KCNIP4: variants seen among roughly 807,000 people sequenced by gnomAD.
The protein encoded by KCNIP4 is Kv channel-interacting protein 4.
KCNIP4 carries 12 observed loss-of-function variants against 34.0 expected under a neutral mutation model. The ratio of observed to expected loss-of-function variants is 0.35; its 90% CI spans 0.23 to 0.57. The LOEUF (loss-of-function observed/expected upper bound fraction) is 0.57, where lower values mean the gene tolerates loss of function less well. Ranked by LOEUF, KCNIP4 falls within the 20% of genes least tolerant of loss-of-function variation. The pLI is 0.83. For missense variants in KCNIP4, 238 were observed against 311.7 expected (o/e 0.76, Z 1.78); for synonymous variants, 124 against 102.2 (o/e 1.21, Z -1.29).
At chr4:20,953,644 A>G (rs1733012957) in intron 1 of KCNIP4, among the ~76,000 whole-genome samples, 1 of 152,162 alleles carries the variant, frequency 6.6e-6, no homozygotes, top group African/African-American at 2.4e-5. Context: ...ATCGCACTCC[A>G]TCTTGGGTGA....
chr4:20,747,027 A>T (rs1166811304), intron 5 of KCNIP4, among the ~76,000 whole-genome samples: 1 of 152,212 alleles, frequency 6.6e-6, no homozygotes, highest in African/African-American at 2.4e-5. Flanking sequence ...AAACTTTATT[A>T]ATTTAGCCAT....
chr4:21,484,414 C>T (rs111405621), intron 1 of KCNIP4, among the ~76,000 whole-genome samples: 9 of 151,304 alleles, frequency 5.9e-5, no homozygotes, highest in East Asian at 1.9e-4. Context: ...GTGACAAGAG[C>T]GAAACTCCGT....
chr4:21,177,505 AT>A (rs1754499865), intron 1 of KCNIP4, among the ~76,000 whole-genome samples: 1 of 152,116 alleles, frequency 6.6e-6, no homozygotes. Flanking sequence ...GTAAGTAAAT[AT>A]TTAATAACTA....
chr4:20,757,983 T>A (rs1435535017), intron 4 of KCNIP4, among the ~76,000 whole-genome samples: 1 of 152,192 alleles, frequency 6.6e-6, no homozygotes, highest in Admixed American at 6.5e-5. Context: ...ATCACAGTTA[T>A]ACTTGAGTTT....
chr4:21,779,371 T>C (rs990136190), intron 1 of KCNIP4, among the ~76,000 whole-genome samples: 9 of 152,190 alleles, frequency 5.9e-5, no homozygotes, highest in African/African-American at 2.2e-4. Context: ...TTAAGAATAA[T>C]AGCATAGTGA....
Position 21,543,841 on chromosome 4 carries a change from T to C in KCNIP4, c.61+404730A>G, listed in dbSNP as rs184469583. Among the ~76,000 whole-genome samples, 612 of 152,256 alleles carry C rather than the reference T, an allele frequency of 4.0e-3. 5 individuals carry two copies. Among genetic ancestry groups the C allele is most frequent in the Non-Finnish European group, 5.5e-3 (372 of 68,014 alleles). Reference sequence around the variant, plus strand: ...TTTTCATTATAGATTACCTTCCATCTTTCTTCTCTCACACATACTTCATGA... The same window carrying C: ...TTTTCATTATAGATTACCTTCCATCCTTCTTCTCTCACACATACTTCATGA... On this transcript the variant is annotated intron_variant, in intron 1 of 8. Coordinates refer to ENST00000382152, the MANE Select transcript of KCNIP4 (RefSeq NM_025221.6).
intron 1 of KCNIP4, among the ~76,000 whole-genome samples, chr4:21,350,916 T>C (rs1346262697): frequency 6.6e-6 from 1 of 152,188 alleles, no homozygotes; most frequent in African/African-American, 2.4e-5. Context: ...GAAACTGTTA[T>C]ATCTTATAAT....
chr4:21,700,971 G>A (rs531694073), intron 1 of KCNIP4, among the ~76,000 whole-genome samples: 5 of 152,064 alleles, frequency 3.3e-5, no homozygotes, highest in Non-Finnish European at 5.9e-5. Context: ...ATTTCATCAT[G>A]ATTCACAATA....
intron 1 of KCNIP4, among the ~76,000 whole-genome samples, chr4:21,104,978 T>C (rs1237422532): frequency 6.6e-6 from 1 of 151,726 alleles, no homozygotes; most frequent in Non-Finnish European, 1.5e-5. Context: ...ACAAGTACCA[T>C]GCTGTTTTAG....
chr4:21,235,093 T>C (rs1417471540), intron 1 of KCNIP4, among the ~76,000 whole-genome samples: 1 of 152,186 alleles, frequency 6.6e-6, no homozygotes, highest in East Asian at 1.9e-4. Context: ...ATAATGACTA[T>C]TTGAGAAATC....
chr4:21,480,630 A>G (rs1460422038), intron 1 of KCNIP4, among the ~76,000 whole-genome samples: 1 of 152,174 alleles, frequency 6.6e-6, no homozygotes, highest in Admixed American at 6.6e-5. Context: ...AACTTTGTAT[A>G]CCTCAGCAAT....
intron 1 of KCNIP4, among the ~76,000 whole-genome samples, chr4:21,441,137 CTTT>C (rs758901417): frequency 4.4e-5 from 6 of 136,976 alleles, no homozygotes; most frequent in Non-Finnish European, 8.0e-5. Context: ...TGACACCTTT[CTTT>C]TTTTTTTTTT....
intron 1 of KCNIP4, among the ~76,000 whole-genome samples, chr4:21,565,112 C>T (rs900745221): frequency 2.0e-5 from 3 of 152,138 alleles, no homozygotes; most frequent in Non-Finnish European, 2.9e-5. Flanking sequence ...TGTTAATCAG[C>T]TTGGGCTACC....
intron 1 of KCNIP4, chr4:21,464,563 T>A (rs1333299963): frequency 6.6e-6 from 1 of 152,170 alleles, no homozygotes; most frequent in African/African-American, 2.4e-5. Flanking sequence ...ATACTTTGTA[T>A]AATTTTTTAA....
At chr4:21,505,291 A>G (rs1230456779) in intron 1 of KCNIP4, among the ~76,000 whole-genome samples, 2 of 151,832 alleles carry the variant, frequency 1.3e-5, no homozygotes, top group African/African-American at 4.8e-5. Flanking sequence ...AAAAAGATCA[A>G]GCCAAACTCA....
chr4:20,865,817 G>A (rs889693046), intron 2 of KCNIP4, among the ~76,000 whole-genome samples: 2 of 151,906 alleles, frequency 1.3e-5, no homozygotes, highest in African/African-American at 4.8e-5. Context: ...TGTGATCTTT[G>A]CTAAAAGAAT....
chr4:21,184,817 T>C (rs924754554), intron 1 of KCNIP4, among the ~76,000 whole-genome samples: 4 of 152,206 alleles, frequency 2.6e-5, no homozygotes, highest in African/African-American at 7.2e-5. Context: ...CATATTTCAG[T>C]ACTAGCTCTC....
chr4:21,416,398 C>T (rs960559056), intron 1 of KCNIP4, among the ~76,000 whole-genome samples: 3 of 152,016 alleles, frequency 2.0e-5, no homozygotes, highest in Non-Finnish European at 4.4e-5. Context: ...TTTTTATTTT[C>T]TCCTTCTGCA....
chr4:21,112,940 A>T (rs911475058), intron 1 of KCNIP4, among the ~76,000 whole-genome samples: 1 of 152,192 alleles, frequency 6.6e-6, no homozygotes, highest in Admixed American at 6.5e-5. Context: ...CTAGTGTTTT[A>T]GAGATCAGAT....
Sources: gnomAD v4.1 joint callset for allele counts (sites outside exome capture counted in the v4.1 genomes callset) on GRCh38, gnomAD v4.1.1 for gene constraint, MANE v1.5 for transcripts, NCBI Gene and HGNC (gene_info 2026-07-23, HGNC 2026-07-21) for gene names.